The following SGIP1 variants were observed in gnomAD, a reference collection of about 807,000 sequenced individuals.
SGIP1 encodes SH3GL interacting endocytic adaptor 1, also known as SH3-containing GRB2-like protein 3-interacting protein 1.
In SGIP1, 38 loss-of-function variants were observed where a neutral mutation model predicts 107.5. The ratio of observed to expected loss-of-function variants is 0.35; its 90% CI spans 0.27 to 0.46. The LOEUF is 0.46. Ranked by LOEUF, SGIP1 falls within the 20% of genes least tolerant of loss-of-function variation. The pLI, the probability that SGIP1 is intolerant of heterozygous loss-of-function variation, is 1.00. For missense variants in SGIP1, 929 were observed against 1,019.5 expected, an observed-to-expected ratio of 0.91 and a Z score of 1.21; for synonymous variants, 365 against 366.1, an observed-to-expected ratio of 1.00 and a Z score of 0.03.
intron 1 of SGIP1, among the ~76,000 whole-genome samples, chr1:66,581,871 A>G (rs1043337258): frequency 4.6e-5 from 7 of 152,128 alleles, no homozygotes; most frequent in East Asian, 1.9e-4. Flanking sequence ...AAGACAAAGG[A>G]CACTAATTAG....
At chr1:66,561,385 C>A (rs2058926593) in intron 1 of SGIP1, among the ~76,000 whole-genome samples, 1 of 151,958 alleles carries the variant, frequency 6.6e-6, no homozygotes, top group Non-Finnish European at 1.5e-5. Flanking sequence ...TTCCACTACC[C>A]CTTGTTCCCT....
intron 1 of SGIP1, among the ~76,000 whole-genome samples, chr1:66,557,849 ACACTTACAC>A (rs2058402285): frequency 6.6e-6 from 1 of 152,134 alleles, no homozygotes; most frequent in Non-Finnish European, 1.5e-5. Context: ...TCTATAGAAG[ACACTTACAC>A]TTTGTGGATT....
At chr1:66,714,053 C>G (rs996006284) in intron 18 of SGIP1, among the ~76,000 whole-genome samples, 3 of 152,088 alleles carry the variant, frequency 2.0e-5, no homozygotes, top group Admixed American at 6.6e-5. Flanking sequence ...ATTCAACAAC[C>G]TCAGTAAAGC....
intron 7 of SGIP1, among the ~76,000 whole-genome samples, chr1:66,648,562 C>T (rs1386343849): frequency 6.6e-6 from 1 of 152,142 alleles, no homozygotes; most frequent in Non-Finnish European, 1.5e-5. Flanking sequence ...CACATATTTT[C>T]ATTCTTTTTT....
In SGIP1 at chr1:66,743,696, A is replaced by T. The variant is rs975533954; in HGVS notation, c.*601A>T. Reference sequence around the variant, plus strand: ...TTTCAGAAAAAAATTCTAAGGTTACAGCATATTCAAAGAAAAGCATTAGTT... The same window carrying T: ...TTTCAGAAAAAAATTCTAAGGTTACTGCATATTCAAAGAAAAGCATTAGTT... On this transcript the variant is annotated 3_prime_UTR_variant, in exon 25 of 25. Transcript: ENST00000371037. 3.3e-5 allele frequency: 5 copies of T among 152,638 alleles called. No homozygotes were observed. The highest frequency in any genetic ancestry group is 1.2e-4 in the African/African-American group (5 of 41,474). The allele number at this position is 152,638 out of a possible 1,614,324, so 9.5% of individuals were successfully genotyped here. A position where few individuals can be genotyped will look rare whatever the true frequency, so the allele number is the denominator to read the frequency against.
intron 1 of SGIP1, among the ~76,000 whole-genome samples, chr1:66,547,362 T>A (rs939545319): frequency 2.0e-5 from 3 of 152,192 alleles, no homozygotes; most frequent in African/African-American, 7.2e-5. Context: ...CAATTTAAAA[T>A]GCAGTTTAAA....
chr1:66,625,598 C>A (rs80183132), intron 1 of SGIP1, among the ~76,000 whole-genome samples: 2,441 of 152,290 alleles, frequency 0.016, 35 homozygotes, highest in Non-Finnish European at 0.02. Context: ...TTTCTATACC[C>A]ATGTATCCAT....
chr1:66,567,869 G>A (rs1239414620), intron 1 of SGIP1, among the ~76,000 whole-genome samples: 2 of 152,144 alleles, frequency 1.3e-5, no homozygotes, highest in African/African-American at 4.8e-5. Flanking sequence ...CTACATGTCT[G>A]CTTTGGTACC....
intron 22 of SGIP1, 129 bp downstream of exon 22, chr1:66,739,666 T>C (rs2094384642): frequency 2.3e-6 from 2 of 857,058 alleles, no homozygotes; most frequent in South Asian, 1.7e-5. Flanking sequence ...GGGCAGGAAA[T>C]AGAAACCACT....
intron 18 of SGIP1, among the ~76,000 whole-genome samples, chr1:66,698,554 A>G (rs934906054): frequency 2.0e-5 from 3 of 151,698 alleles, no homozygotes; most frequent in African/African-American, 7.3e-5. Flanking sequence ...AATTTTTTGT[A>G]TTTTTAGTAG....
chr1:66,674,736 G>A (rs76727656), intron 12 of SGIP1, among the ~76,000 whole-genome samples: 1,632 of 152,274 alleles, frequency 0.011, 33 homozygotes, highest in African/African-American at 0.037. Context: ...CTCCCATTCA[G>A]AAGAAAGGAA....
chr1:66,675,753 C>T (rs137887087), intron 12 of SGIP1, among the ~76,000 whole-genome samples: 119 of 151,560 alleles, frequency 7.9e-4, no homozygotes, highest in African/African-American at 2.7e-3. Context: ...CAGCTGGTCT[C>T]GAACTCCTGG....
At position 66,671,030 on chromosome 1, in the gene SGIP1, C is replaced by T; in HGVS notation, c.508+11C>T. On this transcript the variant is annotated intron_variant, in intron 10 of 24. Coordinates refer to ENST00000371037, the MANE Select transcript of SGIP1 (RefSeq NM_032291.4). ...AAAGGAACTTATCCAGTAAGTATATCTTAGCTACCAGAAATAGTGTATGAT... is the reference window on the plus strand; with the variant it reads ...AAAGGAACTTATCCAGTAAGTATATTTTAGCTACCAGAAATAGTGTATGAT... 7.5e-7 allele frequency: 1 copy of T among 1,335,886 alleles called. No homozygotes were observed. The highest frequency in any genetic ancestry group is 1.0e-6 in the Non-Finnish European group (1 of 958,362). 82.8% of individuals were successfully genotyped at this position (1,335,886 alleles called of 1,614,324 possible). A position where few individuals can be genotyped will look rare whatever the true frequency, so the allele number is the denominator to read the frequency against.
In SGIP1 at chr1:66,558,935, T is replaced by A. The variant is rs1166818299; in HGVS notation, c.10+24567T>A. On this transcript the variant is annotated intron_variant, in intron 1 of 24. Coordinates refer to ENST00000371037, the MANE Select transcript of SGIP1 (RefSeq NM_032291.4). The stretch of plus-strand genomic sequence containing the variant: ...GTTTCAAAGAATCAAAGAGAAAAAT[T>A]TTAAGAGGAGGGAACCCAGAGAAGG... Among the ~76,000 whole-genome samples, 5 of 151,956 alleles carry A rather than the reference T, an allele frequency of 3.3e-5. No homozygotes were observed. The East Asian group carries it at 9.7e-4, about 30-fold the overall frequency.
chr1:66,643,995 T>TA (rs1219184668), intron 7 of SGIP1: 1 of 206,436 alleles, frequency 4.8e-6, no homozygotes, highest in Non-Finnish European at 9.6e-6. Context: ...GAAAAAAAAA[T>TA]AAAAAGATTA....
chr1:66,713,473 TG>T (rs757173297), intron 18 of SGIP1, among the ~76,000 whole-genome samples: 13 of 152,174 alleles, frequency 8.5e-5, no homozygotes, highest in Non-Finnish European at 1.9e-4. Context: ...TATTAGTGTT[TG>T]ATTTTTGTTG....
chr1:66,699,221 G>A (rs2091496454), intron 18 of SGIP1, among the ~76,000 whole-genome samples: 1 of 151,958 alleles, frequency 6.6e-6, no homozygotes, highest in Non-Finnish European at 1.5e-5. Flanking sequence ...TCTGTGGATC[G>A]TTCATCATGG....
intron 1 of SGIP1, among the ~76,000 whole-genome samples, chr1:66,577,353 A>C (rs2061206673): frequency 6.6e-6 from 1 of 152,058 alleles, no homozygotes; most frequent in African/African-American, 2.4e-5. Flanking sequence ...TCCTTAAAAG[A>C]ATGTTTGTTG....
At chr1:66,636,615 T>A (rs907731042) in intron 4 of SGIP1, among the ~76,000 whole-genome samples, 2 of 152,222 alleles carry the variant, frequency 1.3e-5, no homozygotes, top group African/African-American at 4.8e-5. Context: ...CCATCTTGGA[T>A]AGCACACAGG....
Sources: gnomAD v4.1 joint callset for allele counts (sites outside exome capture counted in the v4.1 genomes callset) on GRCh38, gnomAD v4.1.1 for gene constraint, MANE v1.5 for transcripts, NCBI Gene and HGNC (gene_info 2026-07-23, HGNC 2026-07-21) for gene names.